NEXMIF: variants seen among roughly 807,000 people sequenced by gnomAD.
NEXMIF encodes the protein XLMR protein related to neurite extension.
In NEXMIF, 8 loss-of-function variants were observed where a neutral mutation model predicts 62.1. The observed-to-expected ratio is 0.13, with a 90% CI of 0.08 to 0.23. The LOEUF is 0.23. Ranked by LOEUF, NEXMIF falls within the 10% of genes least tolerant of loss-of-function variation. The probability of loss-of-function intolerance (pLI) is 1.00; values close to 1 mark genes in which losing one functional copy is unlikely to be tolerated. For synonymous variants in NEXMIF, 404 were observed against 416.6 expected, an observed-to-expected ratio of 0.97 and a Z score of 0.37; for missense variants, 976 against 1,113.3, an observed-to-expected ratio of 0.88 and a Z score of 1.75.
At chrX:74,798,847 T>C (rs1043270301) in intron 1 of NEXMIF, among the ~76,000 whole-genome samples, 1 of 105,128 alleles carries the variant, frequency 9.5e-6, no homozygotes, top group South Asian at 4.2e-4. Flanking sequence ...GAGAGAAAGA[T>C]ACATGGGAGG....
At chrX:74,773,250 A>G (rs754648744) in intron 1 of NEXMIF, among the ~76,000 whole-genome samples, 2 of 112,290 alleles carry the variant, frequency 1.8e-5, no homozygotes, top group African/African-American at 3.2e-5. Context: ...GTGATCCTCT[A>G]CTAAGCACTT....
intron 1 of NEXMIF, among the ~76,000 whole-genome samples, chrX:74,841,468 T>C (rs1035018313): frequency 5.4e-5 from 6 of 111,851 alleles, no homozygotes; most frequent in African/African-American, 2.0e-4. Context: ...ATGCCTTTTA[T>C]TTCTTTCTCT....
intron 1 of NEXMIF, among the ~76,000 whole-genome samples, chrX:74,796,209 T>TTATATATATACATATATAA (rs1556024039): frequency 2.1e-4 from 10 of 46,590 alleles, no homozygotes; most frequent in Non-Finnish European, 3.5e-4. Flanking sequence ...TACATATATA[T>TTATATATATACATATATAA]TATATATATA....
At chrX:74,914,140 G>C (rs2080799214) in intron 1 of NEXMIF, among the ~76,000 whole-genome samples, 1 of 111,878 alleles carries the variant, frequency 8.9e-6, no homozygotes, top group African/African-American at 3.2e-5. Flanking sequence ...GGAACTTAAA[G>C]AGGGGTAAGG....
intron 1 of NEXMIF, among the ~76,000 whole-genome samples, chrX:74,777,258 C>A (rs1003743746): frequency 9.0e-6 from 1 of 111,282 alleles, no homozygotes; most frequent in Non-Finnish European, 1.9e-5. Flanking sequence ...TCATTATAGG[C>A]CAATATGCTC....
chrX:74,892,563 C>A (rs1233202884), intron 1 of NEXMIF, among the ~76,000 whole-genome samples: 1 of 112,201 alleles, frequency 8.9e-6, no homozygotes, highest in East Asian at 2.8e-4. Flanking sequence ...TACATATATA[C>A]TTATTACTTA....
chrX:74,874,601 G>C (rs758767625), intron 1 of NEXMIF, among the ~76,000 whole-genome samples: 7,056 of 90,300 alleles, frequency 0.078, 814 homozygotes, highest in African/African-American at 0.28. Flanking sequence ...CCATTTTCAC[G>C]ATATTGATTC....
chrX:74,842,286 C>T (rs913550392), intron 1 of NEXMIF, among the ~76,000 whole-genome samples: 4 of 111,628 alleles, frequency 3.6e-5, no homozygotes, highest in African/African-American at 1.3e-4. Context: ...ATAGTAGTTT[C>T]TGATGGTTGT....
chrX:74,906,110 A>ATT (rs780838891), intron 1 of NEXMIF, among the ~76,000 whole-genome samples: 1 of 106,562 alleles, frequency 9.4e-6, no homozygotes. Context: ...TCTCTACACA[A>ATT]TTTTTTTTTT....
rs1367922244 is a variant in NEXMIF, at chrX:74,814,692, A to G, written c.-47-68995T>C. ...GCCAAAAATATACAACTAAAAATAT[A>G]ATTGATGAAAACAATTACAGAACAA... On this transcript the variant is annotated intron_variant, in intron 1 of 3. Coordinates refer to ENST00000055682, the MANE Select transcript of NEXMIF (RefSeq NM_001008537.3). Among the ~76,000 whole-genome samples the G allele has an allele frequency of 2.7e-5, 3 of 112,588 alleles. No homozygotes were observed. The Admixed American group carries it at 2.8e-4, about 11-fold the overall frequency.
At chrX:74,829,645 C>T (rs1050520471) in intron 1 of NEXMIF, among the ~76,000 whole-genome samples, 1 of 111,826 alleles carries the variant, frequency 8.9e-6, no homozygotes, top group Non-Finnish European at 1.9e-5. Context: ...CTCCACAGTG[C>T]TTGCACTAAT....
intron 1 of NEXMIF, among the ~76,000 whole-genome samples, chrX:74,771,887 T>C (rs2080211458): frequency 9.0e-6 from 1 of 111,622 alleles, no homozygotes; most frequent in African/African-American, 3.3e-5. Context: ...TCCACAAAAG[T>C]GGTAGTACTT....
In NEXMIF at chrX:74,744,489, G is replaced by T. The variant is rs749330825; in HGVS notation, c.80-12C>A. 8.7e-7 allele frequency: 1 copy of T among 1,147,246 alleles called. No homozygotes were observed. Among genetic ancestry groups the T allele is most frequent in the South Asian group, 2.0e-5 (1 of 49,692 alleles). The allele number at this position is 1,147,246 out of a possible 1,213,427, so 94.5% of individuals were successfully genotyped here. A position where few individuals can be genotyped will look rare whatever the true frequency, so the allele number is the denominator to read the frequency against. On this transcript the variant is annotated splice_polypyrimidine_tract_variant and intron_variant, in intron 2 of 3. Transcript: ENST00000055682. Reference sequence around the variant, plus strand: ...CTGGTCCTCTGAGTCTAGAAAAAAGGGAAAGAAATGACAGGAATAAAATTA... The same window carrying T: ...CTGGTCCTCTGAGTCTAGAAAAAAGTGAAAGAAATGACAGGAATAAAATTA...
In NEXMIF at chrX:74,877,361, G is replaced by T. The variant is rs184341178; in HGVS notation, c.-48+47522C>A. ...TTGTAGAGTTTCTGCTGAGAGATCTGCTGTTAGTCTGATGGGCTTCCCTTT... is the reference window on the plus strand; with the variant it reads ...TTGTAGAGTTTCTGCTGAGAGATCTTCTGTTAGTCTGATGGGCTTCCCTTT... On this transcript the variant is annotated intron_variant, in intron 1 of 3. Transcript: ENST00000055682. Among the ~76,000 whole-genome samples, 468 of 111,940 alleles carry T rather than the reference G, an allele frequency of 4.2e-3. 3 individuals are homozygous for T. In the East Asian group the frequency reaches 0.098, roughly 23 times the overall value.
At chrX:74,850,081 C>T (rs1406693765) in intron 1 of NEXMIF, among the ~76,000 whole-genome samples, 1 of 112,066 alleles carries the variant, frequency 8.9e-6, no homozygotes, top group African/African-American at 3.2e-5. Flanking sequence ...GTCCCACTCC[C>T]AGTGTCTGAG....
intron 1 of NEXMIF, among the ~76,000 whole-genome samples, chrX:74,899,123 T>C (rs1161175671): frequency 9.0e-6 from 1 of 111,615 alleles, no homozygotes; most frequent in African/African-American, 3.3e-5. Flanking sequence ...AACATCATAC[T>C]CATCAATGAA....
chrX:74,790,802 C>T (rs1198608118), intron 1 of NEXMIF, among the ~76,000 whole-genome samples: 2 of 112,051 alleles, frequency 1.8e-5, no homozygotes, highest in South Asian at 7.3e-4. Context: ...TATAAGAATG[C>T]TTGTGATTTT....
intron 1 of NEXMIF, among the ~76,000 whole-genome samples, chrX:74,918,145 A>AG (rs2080814214): frequency 8.9e-6 from 1 of 111,982 alleles, no homozygotes. Context: ...TGTAACAGCT[A>AG]GGGAAAGGCC....
chrX:74,875,973 T>A (rs771705039), intron 1 of NEXMIF, among the ~76,000 whole-genome samples: 3 of 110,764 alleles, frequency 2.7e-5, no homozygotes, highest in Middle Eastern at 4.7e-3. Flanking sequence ...TTTTTGAAGG[T>A]TTTTTTGTGT....
Sources: allele counts gnomAD v4.1 joint callset (sites outside exome capture counted in the v4.1 genomes callset), GRCh38; gene constraint gnomAD v4.1.1; transcripts MANE v1.5; gene names NCBI Gene and HGNC (gene_info 2026-07-23, HGNC 2026-07-21).